Variants in LRCH2 observed in about 807,000 individuals in gnomAD.
LRCH2 encodes leucine rich repeats and calponin homology domain containing 2.
In LRCH2, 38 loss-of-function variants were observed where a neutral mutation model predicts 68.9. The ratio of observed to expected loss-of-function variants is 0.55; its 90% CI spans 0.43 to 0.72. The LOEUF is 0.72. Among genes scored for constraint, LRCH2 ranks in the 30% least tolerant of loss-of-function variants. The pLI is 0.00. For missense variants in LRCH2, 528 were observed against 572.9 expected, an observed-to-expected ratio of 0.92 and a Z score of 0.80; for synonymous variants, 191 against 208.1, an observed-to-expected ratio of 0.92 and a Z score of 0.71.
chrX:115,114,820 CA>C (rs1196974125), intron 20 of LRCH2, among the ~76,000 whole-genome samples: 1 of 109,979 alleles, frequency 9.1e-6, no homozygotes, highest in African/African-American at 3.3e-5. Context: ...GAAACACACA[CA>C]AAAAAACTAT....
At chrX:115,225,359 G>C (rs1192379316) in intron 1 of LRCH2, among the ~76,000 whole-genome samples, 1 of 110,572 alleles carries the variant, frequency 9.0e-6, no homozygotes, top group Admixed American at 9.7e-5. Context: ...TCATTTGGGG[G>C]TATTGTTTTC....
intron 14 of LRCH2, among the ~76,000 whole-genome samples, chrX:115,136,230 C>T (rs781944256): frequency 9.0e-6 from 1 of 111,651 alleles, no homozygotes; most frequent in East Asian, 2.8e-4. Context: ...TAAGCCCAGG[C>T]ACTGTGCCAT....
Position 115,180,753 on chromosome X carries a change from A to T in LRCH2, c.622-1002T>A, listed in dbSNP as rs191182699. On this transcript the variant is annotated intron_variant, in intron 3 of 20. Transcript: ENST00000317135. Reference sequence around the variant, plus strand: ...ATAGATGATTAGGAAAATATATCCTACATACCTCTTTCAAACAATATCTAA... The same window carrying T: ...ATAGATGATTAGGAAAATATATCCTTCATACCTCTTTCAAACAATATCTAA... Among the ~76,000 whole-genome samples the T allele has an allele frequency of 4.8e-4, 54 of 111,863 alleles. 1 individual carries two copies. Among genetic ancestry groups the T allele is most frequent in the African/African-American group, 1.6e-3 (49 of 30,855 alleles).
intron 11 of LRCH2, among the ~76,000 whole-genome samples, chrX:115,157,341 A>G (rs2072483385): frequency 9.0e-6 from 1 of 110,885 alleles, no homozygotes; most frequent in African/African-American, 3.3e-5. Flanking sequence ...AAAATTTAAT[A>G]TAAGTAAAAT....
chrX:115,117,635 C>T (rs4388623), intron 20 of LRCH2, among the ~76,000 whole-genome samples: 1 of 111,415 alleles, frequency 9.0e-6, no homozygotes, highest in East Asian at 2.8e-4. Context: ...TCTATTCATA[C>T]ATGCAACAAC....
chrX:115,117,558 G>A (rs1556524459), intron 20 of LRCH2, among the ~76,000 whole-genome samples: 1 of 111,506 alleles, frequency 9.0e-6, no homozygotes, highest in Non-Finnish European at 1.9e-5. Context: ...CCATCAGCAG[G>A]TCAAGGGATT....
intron 1 of LRCH2, among the ~76,000 whole-genome samples, chrX:115,215,671 G>C (rs1487177511): frequency 9.5e-6 from 1 of 105,378 alleles, no homozygotes. Context: ...TAAGGCAGGA[G>C]AATCACTTGA....
At chrX:115,152,088 T>C (rs113291894) in intron 12 of LRCH2, among the ~76,000 whole-genome samples, 2,920 of 111,488 alleles carry the variant, frequency 0.026, 90 homozygotes, top group African/African-American at 0.09. Context: ...TTAGAGGGAA[T>C]AATTCCCAGA....
chrX:115,126,929 T>C (rs2072205433), intron 15 of LRCH2, 36 bp from the exon 16 acceptor site: 2 of 860,625 alleles, frequency 2.3e-6, no homozygotes, highest in East Asian at 7.7e-5. Flanking sequence ...AAGATGAAAT[T>C]ACAATACAAA....
At chrX:115,132,973 A>T (rs1259636658) in intron 14 of LRCH2, among the ~76,000 whole-genome samples, 2 of 111,408 alleles carry the variant, frequency 1.8e-5, no homozygotes, top group Non-Finnish European at 3.8e-5. Flanking sequence ...AACCACATCC[A>T]ACAAACCCGA....
rs184318942 is a variant in LRCH2 at position 115,182,725 on chromosome X, C to T, written c.621+1686G>A. ...GCAGGTGCCTGTAATCCCAGCTACT[C>T]GGGAGGCTGAGGCAGGAGAATTGCT... On this transcript the variant is annotated intron_variant, in intron 3 of 20. Coordinates refer to ENST00000317135, the MANE Select transcript of LRCH2 (RefSeq NM_020871.4). Among the ~76,000 whole-genome samples, 530 of 103,316 alleles carry T rather than the reference C, an allele frequency of 5.1e-3. 2 individuals are homozygous for T. The highest frequency in any genetic ancestry group is 7.9e-3 in the Non-Finnish European group (406 of 51,366). 89.7% of individuals were successfully genotyped at this position (103,316 alleles called of 115,157 possible). A position where few individuals can be genotyped will look rare whatever the true frequency, so the allele number is the denominator to read the frequency against.
chrX:115,166,205 G>T lies in LRCH2; in HGVS notation c.1086+50C>A, dbSNP rs1569514253. On this transcript the variant is annotated intron_variant, in intron 7 of 20. Coordinates refer to ENST00000317135, the MANE Select transcript of LRCH2 (RefSeq NM_020871.4). Reference sequence around the variant, plus strand: ...TATGCACAAGGGTCTCTATTTCAATGCTCTAATAAAATTGTAAAACAGAAT... The same window carrying T: ...TATGCACAAGGGTCTCTATTTCAATTCTCTAATAAAATTGTAAAACAGAAT... 2 of 912,611 alleles carry T rather than the reference G, an allele frequency of 2.2e-6. 1 individual carries two copies. Among genetic ancestry groups the T allele is most frequent in the South Asian group, 4.4e-5 (2 of 45,570 alleles). The allele number at this position is 912,611 out of a possible 1,213,427, so 75.2% of individuals were successfully genotyped here. A position where few individuals can be genotyped will look rare whatever the true frequency, so the allele number is the denominator to read the frequency against.
intron 1 of LRCH2, among the ~76,000 whole-genome samples, chrX:115,202,149 C>A (rs191853220): frequency 0.011 from 1,234 of 111,922 alleles, 9 homozygotes; most frequent in Middle Eastern, 0.11. Flanking sequence ...TTAGAAAAAA[C>A]AATCATAAAA....
chrX:115,184,538 C>T lies in LRCH2; in HGVS notation c.495-1G>A. The T allele has an allele frequency of 8.7e-7, 1 of 1,145,417 alleles. No homozygotes were observed. 94.4% of individuals were successfully genotyped at this position (1,145,417 alleles called of 1,213,427 possible). A position where few individuals can be genotyped will look rare whatever the true frequency, so the allele number is the denominator to read the frequency against. On this transcript the variant is annotated splice_acceptor_variant, in intron 2 of 20. Transcript: ENST00000317135. LOFTEE classifies it high-confidence loss of function. ...TGGCAATGTTGATAAAAGATTTCGGCTGAAAAGAATGAGAAAGTTTCATTA... is the reference window on the plus strand; with the variant it reads ...TGGCAATGTTGATAAAAGATTTCGGTTGAAAAGAATGAGAAAGTTTCATTA...
At chrX:115,163,130 A>C (rs1390916570) in intron 11 of LRCH2, among the ~76,000 whole-genome samples, 1 of 111,742 alleles carries the variant, frequency 8.9e-6, no homozygotes, top group Non-Finnish European at 1.9e-5. Context: ...TGAGCCAGTG[A>C]CCCTCAAATC....
intron 1 of LRCH2, chrX:115,190,181 G>T: frequency 8.6e-7 from 1 of 1,166,209 alleles, no homozygotes; most frequent in Non-Finnish European, 1.1e-6. Context: ...CCCCCGTGCC[G>T]CGACCCTGGG....
At chrX:115,161,172 G>T (rs2072516280) in intron 11 of LRCH2, among the ~76,000 whole-genome samples, 3 of 111,269 alleles carry the variant, frequency 2.7e-5, no homozygotes, top group Admixed American at 9.5e-5. Context: ...AGCCAACATG[G>T]CGAAACCCCG....
intron 14 of LRCH2, among the ~76,000 whole-genome samples, chrX:115,131,258 C>T (rs958629873): frequency 2.0e-5 from 2 of 101,399 alleles, no homozygotes; most frequent in Non-Finnish European, 2.0e-5. Context: ...CCTCCCCCCC[C>T]CTCCACACCA....
At chrX:115,190,062 T>C (rs1272513067) in intron 1 of LRCH2, 2 of 1,153,612 alleles carry the variant, frequency 1.7e-6, no homozygotes, top group Non-Finnish European at 2.3e-6. Flanking sequence ...ACAAGAGGGC[T>C]GTGCCCCGGT....
Sources: gnomAD v4.1 joint callset for allele counts (sites outside exome capture counted in the v4.1 genomes callset) on GRCh38, gnomAD v4.1.1 for gene constraint, MANE v1.5 for transcripts, NCBI Gene and HGNC (gene_info 2026-07-23, HGNC 2026-07-21) for gene names.